HPSE2: variants seen among roughly 807,000 people sequenced by gnomAD.
The protein encoded by HPSE2 is inactive heparanase-2.
In HPSE2, 38 loss-of-function variants were observed where a neutral mutation model predicts 60.5. The ratio of observed to expected loss-of-function variants is 0.63; its 90% CI spans 0.48 to 0.82. HPSE2 has a LOEUF of 0.82. Among genes scored for constraint, HPSE2 ranks in the 40% least tolerant of loss-of-function variants. HPSE2 has a pLI of 0.00. For missense variants in HPSE2, 713 were observed against 740.4 expected (o/e 0.96, Z 0.43); for synonymous variants, 295 against 293.2 (o/e 1.01, Z -0.06).
At position 98,457,243 on chromosome 10, in the gene HPSE2, T is replaced by C. The variant is rs1940086439; in HGVS notation, c.*2331A>G. 1.3e-5 allele frequency: 2 copies of C among 152,210 alleles called. No homozygotes were observed. Among genetic ancestry groups the C allele is most frequent in the African/African-American group, 2.4e-5 (1 of 41,450 alleles). The allele number at this position is 152,210 out of a possible 1,614,324, so 9.4% of individuals were successfully genotyped here. Reference sequence around the variant, plus strand: ...CAACACTTATTTACAGAAAGTGTGTTTGAGTGGAGTTCTGGCTGTTCTGAA... The same window carrying C: ...CAACACTTATTTACAGAAAGTGTGTCTGAGTGGAGTTCTGGCTGTTCTGAA... On this transcript the variant is annotated 3_prime_UTR_variant, in exon 12 of 12. Coordinates refer to ENST00000370552, the MANE Select transcript of HPSE2 (RefSeq NM_021828.5).
chr10:98,993,545 C>T (rs564166400), intron 3 of HPSE2, among the ~76,000 whole-genome samples: 1 of 152,278 alleles, frequency 6.6e-6, no homozygotes, highest in South Asian at 2.1e-4. Context: ...TTTTACTCTT[C>T]ACTACCTCTT....
At chr10:98,966,345 G>A (rs7073672) in intron 3 of HPSE2, among the ~76,000 whole-genome samples, 115,093 of 152,012 alleles carry the variant, frequency 0.76, 43,957 homozygotes, top group East Asian at 0.86. Context: ...AAATAAAGGA[G>A]CTGAAAAAGA....
At chr10:99,099,907 T>G (rs1409417901) in intron 3 of HPSE2, among the ~76,000 whole-genome samples, 1 of 152,018 alleles carries the variant, frequency 6.6e-6, no homozygotes, top group African/African-American at 2.4e-5. Context: ...TCCAGCAAAC[T>G]CCAGCAGAAC....
At chr10:99,208,260 T>G (rs1381137929) in intron 2 of HPSE2, among the ~76,000 whole-genome samples, 1 of 151,538 alleles carries the variant, frequency 6.6e-6, no homozygotes, top group Non-Finnish European at 1.5e-5. Flanking sequence ...AATCACCTAA[T>G]CAGAAATGAA....
chr10:98,484,897 C>T (rs1941383980), intron 10 of HPSE2, among the ~76,000 whole-genome samples: 1 of 152,018 alleles, frequency 6.6e-6, no homozygotes. Context: ...CTAAGGGGTC[C>T]CTTAGGGCCC....
intron 3 of HPSE2, among the ~76,000 whole-genome samples, chr10:98,875,324 A>G (rs2134852757): frequency 6.6e-6 from 1 of 152,242 alleles, no homozygotes; most frequent in Non-Finnish European, 1.5e-5. Context: ...AATAGTCACA[A>G]TAAAAAATGA....
chr10:99,242,492 T>C, the HPSE2 span, among the ~76,000 whole-genome samples: 1 of 152,164 alleles, frequency 6.6e-6, no homozygotes, highest in Non-Finnish European at 1.5e-5. Context: ...CCTTAGCATG[T>C]TTGGAGGTAG....
At chr10:98,552,476 AG>A (rs1943891281) in intron 9 of HPSE2, among the ~76,000 whole-genome samples, 1 of 152,210 alleles carries the variant, frequency 6.6e-6, no homozygotes, top group Admixed American at 6.5e-5. Flanking sequence ...GAGAAGACTA[AG>A]GCTTCTGAGT....
chr10:99,070,675 C>T (rs998399490), intron 3 of HPSE2, among the ~76,000 whole-genome samples: 1 of 152,184 alleles, frequency 6.6e-6, no homozygotes, highest in Non-Finnish European at 1.5e-5. Context: ...CCCAGGCCCC[C>T]AGCCTTTGGC....
intron 2 of HPSE2, among the ~76,000 whole-genome samples, chr10:99,207,325 G>A (rs1848784635): frequency 2.0e-5 from 3 of 152,086 alleles, no homozygotes; most frequent in Non-Finnish European, 2.9e-5. Context: ...CAAAATAAAA[G>A]ATAGACAGAC....
chr10:98,531,236 T>C (rs1468386015), intron 9 of HPSE2, among the ~76,000 whole-genome samples: 2 of 151,686 alleles, frequency 1.3e-5, no homozygotes, highest in Non-Finnish European at 2.9e-5. Context: ...ACAAAAGAAA[T>C]TAGGAAAGAC....
intron 3 of HPSE2, among the ~76,000 whole-genome samples, chr10:99,037,631 G>A (rs1198817437): frequency 1.3e-5 from 2 of 151,592 alleles, no homozygotes; most frequent in African/African-American, 4.8e-5. Context: ...GAAGGAGAAA[G>A]GAATAAGAGT....
chr10:98,668,427 T>C (rs566059120), intron 6 of HPSE2, among the ~76,000 whole-genome samples: 37 of 152,256 alleles, frequency 2.4e-4, no homozygotes, highest in African/African-American at 8.4e-4. Flanking sequence ...AAAATTCACA[T>C]GGAACCAAAA....
chr10:99,241,392 A>T, the HPSE2 span, among the ~76,000 whole-genome samples: 1 of 152,232 alleles, frequency 6.6e-6, no homozygotes, highest in African/African-American at 2.4e-5. Context: ...CTTATCTGTC[A>T]AACTGATATA....
chr10:98,990,444 G>C (rs1956495129), intron 3 of HPSE2, among the ~76,000 whole-genome samples: 1 of 152,166 alleles, frequency 6.6e-6, no homozygotes, highest in African/African-American at 2.4e-5. Flanking sequence ...GTGGAGCTCA[G>C]GCAGTAACGC....
At position 99,235,530 on chromosome 10, in the gene HPSE2, G is replaced by T. The variant is rs115042847; in HGVS notation, c.273C>A (p.Gly91=). The T allele has an allele frequency of 3.3e-4, 536 of 1,614,108 alleles. 1 individual carries two copies. In the African/African-American group the frequency reaches 6.6e-3, roughly 20 times the overall value. ...TGCCTTACCTTAGGAAATCGAGCCA[G>T]CCATCATGAATGATGGACGGATCCA... ...LQLDPSIIHD[G]WLDFLSSKRL... is the part of the protein sequence containing the mutation. The change falls in exon 1 of 12, where the codon GGC becomes GGA. Residue 91 remains glycine, a synonymous_variant. Transcript: ENST00000370552.
At chr10:99,167,485 A>C (rs1041558701) in intron 2 of HPSE2, among the ~76,000 whole-genome samples, 3 of 152,242 alleles carry the variant, frequency 2.0e-5, no homozygotes, top group African/African-American at 7.2e-5. Context: ...TCACATAAGA[A>C]CTTCCAATTT....
At chr10:98,955,133 C>T (rs1406991563) in intron 3 of HPSE2, among the ~76,000 whole-genome samples, 13 of 151,764 alleles carry the variant, frequency 8.6e-5, no homozygotes, top group Admixed American at 7.9e-4. Flanking sequence ...GAATTTTAAC[C>T]TATGGATTTC....
chr10:98,873,089 C>A (rs1013662769), intron 3 of HPSE2, among the ~76,000 whole-genome samples: 1 of 151,956 alleles, frequency 6.6e-6, no homozygotes, highest in South Asian at 2.1e-4. Flanking sequence ...TTACTTAATG[C>A]TGGAGTTTTG....
Sources: gnomAD v4.1 joint callset for allele counts (sites outside exome capture counted in the v4.1 genomes callset) on GRCh38, gnomAD v4.1.1 for gene constraint, MANE v1.5 for transcripts, NCBI Gene and HGNC (gene_info 2026-07-23, HGNC 2026-07-21) for gene names.